ABCA2: variants seen among roughly 807,000 people sequenced by gnomAD.
The protein encoded by ABCA2 is ATP-binding cassette sub-family A member 2.
ABCA2 carries 84 observed loss-of-function variants against 262.8 expected under a neutral mutation model. That is an observed-to-expected ratio of 0.32 (90% CI 0.27 to 0.38). The LOEUF (loss-of-function observed/expected upper bound fraction) is 0.38. ABCA2 is among the 10% of genes least tolerant of loss of function. ABCA2 has a pLI of 1.00. For synonymous variants in ABCA2, 1,696 were observed against 1,502.9 expected, an observed-to-expected ratio of 1.13 and a Z score of -2.97; for missense variants, 2,662 against 3,405.9, an observed-to-expected ratio of 0.78 and a Z score of 5.44.
In ABCA2 at chr9:137,014,829, G is replaced by T; in HGVS notation, c.3883-19C>A. ...CCAGGTGCTGCAGGGGCGGTGGAGG[G>T]GGAGGCTGCGGCAGGGACGCCCAGG... is the stretch of plus-strand genomic sequence containing the variant. On this transcript the variant is annotated intron_variant, in intron 25 of 48. Coordinates refer to ENST00000341511, the MANE Select transcript of ABCA2 (RefSeq NM_001606.5). 6.3e-7 allele frequency: 1 copy of T among 1,593,980 alleles called. No homozygotes were observed. The highest frequency in any genetic ancestry group is 1.1e-5 in the South Asian group (1 of 88,338).
Position 137,017,993 on chromosome 9 carries a change from G to A in ABCA2, c.2076C>T (p.Tyr692=). The A allele has an allele frequency of 6.2e-7, 1 of 1,612,778 alleles. No homozygotes were observed. ...EPGSYVQMFP[Y]PCYTRDDFLF... ...CTCACTCATCGCGTGTGTAGCAGGG[G>A]TAGGGGAACATCTGCACGTAGCTGC... Residue 692 remains tyrosine, a synonymous_variant, in exon 15 of 49, where the codon TAC becomes TAT. Coordinates refer to ENST00000341511, the MANE Select transcript of ABCA2 (RefSeq NM_001606.5).
At chr9:137,010,852 C>T (rs974924062) in intron 39 of ABCA2, 115 bp from the exon 40 acceptor site, 15 of 1,394,782 alleles carry the variant, frequency 1.1e-5, no homozygotes, top group Non-Finnish European at 1.5e-5. Context: ...GGCCCCTCTG[C>T]TGTCCCCTGC....
At chr9:137,027,856 G>A (rs1272564075) in intron 1 of ABCA2, 1 of 153,644 alleles carries the variant, frequency 6.5e-6, no homozygotes, top group East Asian at 1.9e-4. Context: ...GTCAGCGGAC[G>A]CGGGACCGGA....
Position 137,010,596 on chromosome 9 carries a change from C to T in ABCA2, c.6174+24G>A, listed in dbSNP as rs201038212. On this transcript the variant is annotated intron_variant, in intron 40 of 48. Coordinates refer to ENST00000341511, the MANE Select transcript of ABCA2 (RefSeq NM_001606.5). ...GGCCCTGGCCTACCCCACCCAGGCCCCACCCTACATGCCCAGAGCCCACCT... is the reference window on the plus strand; with the variant it reads ...GGCCCTGGCCTACCCCACCCAGGCCTCACCCTACATGCCCAGAGCCCACCT... 2.2e-4 allele frequency: 338 copies of T among 1,504,114 alleles called. 2 individuals carry two copies. In the African/African-American group the frequency reaches 3.7e-3, roughly 17 times the overall value. The allele number at this position is 1,504,114 out of a possible 1,614,324, so 93.2% of individuals were successfully genotyped here. A position where few individuals can be genotyped will look rare whatever the true frequency, so the allele number is the denominator to read the frequency against.
At position 137,019,078 on chromosome 9, in the gene ABCA2, T is replaced by C. The variant is rs535421666; in HGVS notation, c.1555-8A>G. On this transcript the variant is annotated splice_region_variant and splice_polypyrimidine_tract_variant and intron_variant, in intron 11 of 48. Transcript: ENST00000341511. This position sits in a 1 kb window ranked among gnomAD's most constrained non-coding sequence, Gnocchi z 4.4. ...CCGCAGCTCTGCTACATACTTGGGGTGGAGGGGCGGCTCAGAGGGGGACCT... is the reference window on the plus strand; with the variant it reads ...CCGCAGCTCTGCTACATACTTGGGGCGGAGGGGCGGCTCAGAGGGGGACCT... 182 of 1,604,982 alleles carry C rather than the reference T, an allele frequency of 1.1e-4. 1 individual carries two copies. The South Asian group carries it at 1.9e-3, about 17-fold the overall frequency.
At position 137,012,557 on chromosome 9, in the gene ABCA2, C is replaced by A; in HGVS notation, c.5115G>T (p.Lys1705Asn). 1 of 1,612,020 alleles carries A rather than the reference C, an allele frequency of 6.2e-7. No homozygotes were observed. Among genetic ancestry groups the A allele is most frequent in the East Asian group, 2.2e-5 (1 of 44,872 alleles). The stretch of plus-strand genomic sequence containing the variant: ...TGGTGCCAAATGAGGCTGGGATGGA[C>A]TTCAGGACGTTTCCAAAGGTGATGG... Reference protein sequence around the residue: ...YGAITFGNVLKSIPASFGTRA... With the variant: ...YGAITFGNVLNSIPASFGTRA... The change falls in exon 32 of 49, where the codon AAG becomes AAT. Residue 1705 changes from lysine (K) to asparagine (N), a missense_variant. This residue lies in a region of ABCA2 where 602 missense variants were observed against 897.4 expected (regional missense o/e 0.67). Coordinates refer to ENST00000341511, the MANE Select transcript of ABCA2 (RefSeq NM_001606.5).
chr9:137,009,844 G>A lies in ABCA2; in HGVS notation c.6555C>T (p.Gly2185=). 3 of 1,612,538 alleles carry A rather than the reference G, an allele frequency of 1.9e-6. No homozygotes were observed. Among genetic ancestry groups the A allele is most frequent in the Non-Finnish European group, 2.5e-6 (3 of 1,179,758 alleles). The change falls in exon 43 of 49, where the codon GGC becomes GGT. Residue 2185 remains glycine, a synonymous_variant. Transcript: ENST00000341511. ...TCCGCTTGTTGCCGCCGCTGTAGGT[G>A]CCAGCCGGCTTGTCTGCGTACTTGG... is the stretch of plus-strand genomic sequence containing the variant. The part of the protein sequence containing the change: ...ELTKYADKPA[G]TYSGGNKRKL...
At chr9:137,022,258 C>G in intron 6 of ABCA2, 93 bp downstream of exon 6, 1 of 1,465,160 alleles carries the variant, frequency 6.8e-7, no homozygotes, top group Admixed American at 2.4e-5. Context: ...CTGGGCGTGA[C>G]TCAGGCTGAG....
chr9:137,014,950 T>C lies in ABCA2; in HGVS notation c.3845A>G (p.Glu1282Gly), dbSNP rs1356780450. Residue 1282 changes from glutamate to glycine, a missense_variant, in exon 25 of 49, where the codon GAG becomes GGG. By Grantham distance (98) the Glu-to-Gly change is moderately conservative. Transcript: ENST00000341511. ...STELSYILPSEAAKKGAFERL... is the reference protein window; with the variant it reads ...STELSYILPSGAAKKGAFERL... ...CTCGAAAGCCCCCTTCTTGGCGGCC[T>C]CGCTGGGCAGGATGTAGGAGAGCTC... 2 of 1,566,246 alleles carry C rather than the reference T, an allele frequency of 1.3e-6. No homozygotes were observed. The highest frequency in any genetic ancestry group is 1.4e-5 in the African/African-American group (1 of 73,910).
intron 41 of ABCA2, 34 bp downstream of exon 41, chr9:137,010,159 C>A (rs747289707): frequency 6.3e-7 from 1 of 1,592,070 alleles, no homozygotes; most frequent in East Asian, 2.3e-5. Flanking sequence ...CGTGAGGACG[C>A]GGCGGCCCCG....
chr9:137,022,897 G>A, intron 4 of ABCA2, 32 bp from the exon 5 acceptor site: 2 of 1,568,764 alleles, frequency 1.3e-6, no homozygotes, highest in South Asian at 2.3e-5. Context: ...TCACTGGATG[G>A]GCTGGGGAGG....
Position 137,019,424 on chromosome 9 carries a change from C to CCT in ABCA2, c.1426-119_1426-118insAG, listed in dbSNP as rs1831377365. ...ATTGCCAACAACTAACCCTCCCCAC[C>CCT]TTTTTTTTTTTTTTTTTCCTGAGAC... is the stretch of plus-strand genomic sequence containing the variant. On this transcript the variant is annotated intron_variant, in intron 10 of 48. Coordinates refer to ENST00000341511, the MANE Select transcript of ABCA2 (RefSeq NM_001606.5). The surrounding 1 kb of genome is among the most constrained non-coding windows in gnomAD (Gnocchi z 4.4). 1.1e-5 allele frequency: 10 copies of CCT among 906,542 alleles called. No homozygotes were observed. The African/African-American group carries it at 1.5e-4, about 13-fold the overall frequency. The allele number at this position is 906,542 out of a possible 1,614,324, so 56.2% of individuals were successfully genotyped here.
chr9:137,028,566 C>T, upstream of ABCA2: 2 of 697,358 alleles, frequency 2.9e-6, no homozygotes, highest in Non-Finnish European at 3.7e-6. This position sits in a 1 kb window ranked among gnomAD's most constrained non-coding sequence, Gnocchi z 6.9. Flanking sequence ...CATCCGGCTG[C>T]GCCCACCGCG....
Position 137,024,186 on chromosome 9 carries a change from C to G in ABCA2, c.117G>C (p.Leu39=), listed in dbSNP as rs200765078. 1 of 1,612,096 alleles carries G rather than the reference C, an allele frequency of 6.2e-7. No homozygotes were observed. Among genetic ancestry groups the G allele is most frequent in the African/African-American group, 1.3e-5 (1 of 74,922 alleles). Reference sequence around the variant, plus strand: ...TGGGCTTCTTCTGTCGCAGCCCCAGCAGGATAAAGAACAGCACCAGGGGGA... The same window carrying G: ...TGGGCTTCTTCTGTCGCAGCCCCAGGAGGATAAAGAACAGCACCAGGGGGA... ...IFIPLVLFFI[L]LGLRQKKPTI... The change falls in exon 2 of 49, where the codon CTG becomes CTC. Residue 39 remains leucine (L), a synonymous_variant. Coordinates refer to ENST00000341511, the MANE Select transcript of ABCA2 (RefSeq NM_001606.5).
At chr9:137,008,265 C>T in intron 48 of ABCA2, 151 bp downstream of exon 48, 1 of 938,690 alleles carries the variant, frequency 1.1e-6, no homozygotes, top group Non-Finnish European at 1.7e-6. Flanking sequence ...GGCCTATCTG[C>T]AAGTGTCCCT....
chr9:137,012,339 G>A lies in ABCA2; in HGVS notation c.5225C>T (p.Thr1742Ile). The change falls in exon 33 of 49, where the codon ACC becomes ATC. Residue 1742 changes from threonine (T) to isoleucine (I), a missense_variant. Around this residue, in one of 12 missense-constraint regions of ABCA2, gnomAD observed 602 missense variants for 897.4 expected, o/e 0.67. Transcript: ENST00000341511. ...YNNKGYHSMPTYLNSLNNAIL... is the reference protein window; with the variant it reads ...YNNKGYHSMPIYLNSLNNAIL... ...GGCGTTGTTGAGGCTGTTGAGGTAG[G>A]TGGGCATGCTGTGATAGCCCTTGTT... 6.2e-7 allele frequency: 1 copy of A among 1,612,380 alleles called. No individual in the cohort carries two copies. Among genetic ancestry groups the A allele is most frequent in the East Asian group, 2.2e-5 (1 of 44,866 alleles).
At position 137,007,981 on chromosome 9, in the gene ABCA2, T is replaced by G; in HGVS notation, c.7276-17A>C. On this transcript the variant is annotated splice_polypyrimidine_tract_variant and intron_variant, in intron 48 of 48. Coordinates refer to ENST00000341511, the MANE Select transcript of ABCA2 (RefSeq NM_001606.5). The stretch of plus-strand genomic sequence containing the variant: ...CAGCTGGGCCTGTGCACAGGGGAGG[T>G]CAGGCTTATGGGGCATCCTGTGCCA... The G allele has an allele frequency of 6.2e-7, 1 of 1,601,474 alleles. No homozygotes were observed. Among genetic ancestry groups the G allele is most frequent in the Non-Finnish European group, 8.5e-7 (1 of 1,178,676 alleles).
At position 137,023,831 on chromosome 9, in the gene ABCA2, C is replaced by A; in HGVS notation, c.163+7G>T. On this transcript the variant is annotated splice_region_variant and intron_variant, in intron 3 of 48. Transcript: ENST00000341511. ...GGCCAGCCAGGAGGAGGTGGCCGCT[C>A]ACTTACAGACTGCATGCCAGCCGAG... 1.3e-6 allele frequency: 1 copy of A among 790,038 alleles called. No individual in the cohort carries two copies. The highest frequency in any genetic ancestry group is 2.3e-6 in the Non-Finnish European group (1 of 439,596). The allele number at this position is 790,038 out of a possible 1,614,324, so 48.9% of individuals were successfully genotyped here.
rs566208609 is a variant in ABCA2 at position 137,011,723 on chromosome 9, G to A, written c.5562C>T (p.Cys1854=). ...DMLNYLVPAT[C]CVIILFVFDL... is the part of the protein sequence containing the mutation. Reference sequence around the variant, plus strand: ...CGAACACAAACAGGATGATGACACAGCAGGTAGCGGGGACCAGGTAGTTGA... The same window carrying A: ...CGAACACAAACAGGATGATGACACAACAGGTAGCGGGGACCAGGTAGTTGA... Residue 1854 remains cysteine (C), a synonymous_variant, in exon 36 of 49, where the codon TGC becomes TGT. Coordinates refer to ENST00000341511, the MANE Select transcript of ABCA2 (RefSeq NM_001606.5). The surrounding 1 kb of genome is among the most constrained non-coding windows in gnomAD (Gnocchi z 8.8). The A allele has an allele frequency of 7.1e-6, 11 of 1,552,916 alleles. 1 individual carries two copies. In the South Asian group the frequency reaches 7.1e-5, roughly 10 times the overall value.
Sources: gnomAD v4.1 joint callset for allele counts on GRCh38, gnomAD v4.1.1 for gene constraint, gnomAD v4.1.1 regional missense constraint, Gnocchi (gnomAD v3.1) non-coding constraint, MANE v1.5 for transcripts, NCBI Gene and HGNC (gene_info 2026-07-23, HGNC 2026-07-21) for gene names.